Variants in MGLL observed in about 807,000 individuals in gnomAD.
The protein encoded by MGLL is lysophospholipase homolog.
MGLL carries 7 observed loss-of-function variants against 29.1 expected under a neutral mutation model. That is an observed-to-expected ratio of 0.24 (90% CI 0.14 to 0.45). The LOEUF (loss-of-function observed/expected upper bound fraction) is 0.45, where lower values mean the gene tolerates loss of function less well. MGLL is among the 20% of genes least tolerant of loss of function. The probability of loss-of-function intolerance (pLI) is 0.99; values close to 1 mark genes in which losing one functional copy is unlikely to be tolerated. For missense variants in MGLL, 356 were observed against 413.6 expected (o/e 0.86, Z 1.21); for synonymous variants, 148 against 168.3 (o/e 0.88, Z 0.93).
chr3:127,772,208 G>A (rs543779493), intron 3 of MGLL, among the ~76,000 whole-genome samples: 1 of 152,296 alleles, frequency 6.6e-6, no homozygotes, highest in African/African-American at 2.4e-5. Flanking sequence ...ACTTGCCAAG[G>A]CCGCACAGGT....
chr3:127,741,462 A>G (rs887786221), intron 3 of MGLL, among the ~76,000 whole-genome samples: 3 of 152,236 alleles, frequency 2.0e-5, no homozygotes, highest in Admixed American at 2.0e-4. Flanking sequence ...CAGGAAAGAC[A>G]AAGCCGCCTG....
chr3:127,692,890 C>A (rs1187239037), intron 7 of MGLL, among the ~76,000 whole-genome samples: 1 of 152,222 alleles, frequency 6.6e-6, no homozygotes, highest in Non-Finnish European at 1.5e-5. Flanking sequence ...TCAGTCCAGG[C>A]TCACCCCACC....
At chr3:127,751,631 A>G (rs2076560528) in intron 3 of MGLL, among the ~76,000 whole-genome samples, 2 of 152,086 alleles carry the variant, frequency 1.3e-5, no homozygotes, top group South Asian at 2.1e-4. Context: ...GGCTTGAAGC[A>G]TCATGAGATA....
chr3:127,779,212 C>T (rs779377227), intron 3 of MGLL, among the ~76,000 whole-genome samples: 2 of 152,074 alleles, frequency 1.3e-5, no homozygotes, highest in Non-Finnish European at 2.9e-5. Flanking sequence ...ACCAAAAATA[C>T]AAAAATTAGC....
rs533911614 is a variant in MGLL, at chr3:127,786,546, C to T, written c.156-4651G>A. 2.0e-5 allele frequency among the ~76,000 whole-genome samples: 3 copies of T among 152,324 alleles called. No individual in the cohort carries two copies. In the South Asian group the frequency reaches 6.2e-4, roughly 32 times the overall value. ...CAGATGGCCTGCCTGGCATCCAGCC[C>T]CAGGAGGTGGGACAGCTCCCAATAA... On this transcript the variant is annotated intron_variant, in intron 2 of 7. Transcript: ENST00000265052.
In MGLL at chr3:127,822,383, C is replaced by T; in HGVS notation, c.-65G>A. 1 of 1,585,590 alleles carries T rather than the reference C, an allele frequency of 6.3e-7. No homozygotes were observed. Among genetic ancestry groups the T allele is most frequent in the Non-Finnish European group, 8.7e-7 (1 of 1,154,374 alleles). ...GAGAATCAGAACCAGGCAAATCGGG[C>T]TGTTCCCTCATCTGGGCGGCCCCAA... On this transcript the variant is annotated 5_prime_UTR_variant, in exon 1 of 8. Transcript: ENST00000265052.
chr3:127,745,066 A>T (rs565945081), intron 3 of MGLL, among the ~76,000 whole-genome samples: 1 of 152,352 alleles, frequency 6.6e-6, no homozygotes, highest in African/African-American at 2.4e-5. Context: ...ATCCGGGTAC[A>T]GACCACAGCT....
At position 127,695,065 on chromosome 3, in the gene MGLL, C is replaced by T. The variant is rs369795673; in HGVS notation, c.726G>A (p.Leu242=). 1.6e-5 allele frequency: 26 copies of T among 1,613,994 alleles called. No homozygotes were observed. Among genetic ancestry groups the T allele is most frequent in the Non-Finnish European group, 4.2e-6 (5 of 1,180,032 alleles). Residue 242 remains leucine, a synonymous_variant, in exon 7 of 8, where the codon CTG becomes CTA. Transcript: ENST00000265052. The part of the protein sequence containing the change: ...RALPKLTVPF[L]LLQGSADRLC... The stretch of plus-strand genomic sequence containing the variant: ...GGCGATCGGCAGAGCCCTGGAGCAG[C>T]AGGAAGGGCACAGTCAGCTTGGGGA...
At chr3:127,720,147 G>A (rs914404821) in intron 5 of MGLL, among the ~76,000 whole-genome samples, 7 of 152,224 alleles carry the variant, frequency 4.6e-5, no homozygotes, top group African/African-American at 1.7e-4. Context: ...ACAGTTCATA[G>A]GGTAAGCCTG....
At chr3:127,724,646 A>T (rs538701458) in intron 3 of MGLL, among the ~76,000 whole-genome samples, 1 of 152,120 alleles carries the variant, frequency 6.6e-6, no homozygotes, top group African/African-American at 2.4e-5. Context: ...CCGCATTTCC[A>T]TGTGGAACAT....
At chr3:127,767,798 A>T (rs1401536337) in intron 3 of MGLL, among the ~76,000 whole-genome samples, 1 of 152,244 alleles carries the variant, frequency 6.6e-6, no homozygotes, top group Non-Finnish European at 1.5e-5. Flanking sequence ...TTTTCAGTAC[A>T]TGTCTTCAGC....
intron 3 of MGLL, among the ~76,000 whole-genome samples, chr3:127,773,056 C>T (rs193092147): frequency 1.2e-4 from 18 of 152,330 alleles, no homozygotes; most frequent in African/African-American, 4.1e-4. Flanking sequence ...GAGGCACTCT[C>T]GGCAGATCTG....
chr3:127,720,408 G>A (rs773656210), intron 5 of MGLL, among the ~76,000 whole-genome samples: 3 of 152,186 alleles, frequency 2.0e-5, no homozygotes, highest in African/African-American at 4.8e-5. Flanking sequence ...TCACAAGCAA[G>A]CCGCCCTACC....
At chr3:127,799,922 G>A (rs563839423) in intron 2 of MGLL, among the ~76,000 whole-genome samples, 33 of 152,334 alleles carry the variant, frequency 2.2e-4, no homozygotes, top group African/African-American at 7.7e-4. Flanking sequence ...TGTAGTTACA[G>A]AGTTTTATAG....
At chr3:127,736,155 G>A in intron 3 of MGLL, 3 of 1,079,758 alleles carry the variant, frequency 2.8e-6, no homozygotes, top group Non-Finnish European at 3.4e-6. Flanking sequence ...ACAGACACCT[G>A]GCAACCCAAG....
chr3:127,777,021 A>G (rs2077048078), intron 3 of MGLL, among the ~76,000 whole-genome samples: 1 of 152,166 alleles, frequency 6.6e-6, no homozygotes, highest in Non-Finnish European at 1.5e-5. Flanking sequence ...ATAAAAAGCT[A>G]TGCCCTTAGA....
intron 5 of MGLL, among the ~76,000 whole-genome samples, chr3:127,719,155 T>C (rs2075873010): frequency 6.6e-6 from 1 of 152,222 alleles, no homozygotes; most frequent in South Asian, 2.1e-4. Flanking sequence ...GTCACAGTGG[T>C]GGCCTTGCCC....
rs147306399 is a variant in MGLL at position 127,736,935 on chromosome 3, T to C, written c.263-14369A>G. Among the ~76,000 whole-genome samples, 1,012 of 152,216 alleles carry C rather than the reference T, an allele frequency of 6.6e-3. 10 individuals carry two copies. The highest frequency in any genetic ancestry group is 0.022 in the African/African-American group (916 of 41,538). On this transcript the variant is annotated intron_variant, in intron 3 of 7. Coordinates refer to ENST00000265052, the MANE Select transcript of MGLL (RefSeq NM_007283.7). ...GTCTAGAACTCCTGACCTCAAATGATCCACCTGCCTCGGCCTCCCAAAGTG... is the reference window on the plus strand; with the variant it reads ...GTCTAGAACTCCTGACCTCAAATGACCCACCTGCCTCGGCCTCCCAAAGTG...
At chr3:127,748,408 A>AAGAGAGAGAGAG in intron 3 of MGLL, among the ~76,000 whole-genome samples, 1 of 137,808 alleles carries the variant, frequency 7.3e-6, no homozygotes, top group South Asian at 2.3e-4. Flanking sequence ...GAGAGAGAGA[A>AAGAGAGAGAGAG]AGAGAGAGAG....
Sources: gnomAD v4.1 joint callset for allele counts (sites outside exome capture counted in the v4.1 genomes callset) on GRCh38, gnomAD v4.1.1 for gene constraint, MANE v1.5 for transcripts, NCBI Gene and HGNC (gene_info 2026-07-23, HGNC 2026-07-21) for gene names.